The following RFTN1 variants were observed in gnomAD, a reference collection of about 807,000 sequenced individuals.
RFTN1 encodes raftlin.
A neutral mutation model predicts 46.5 loss-of-function variants in RFTN1; 26 were observed. That is an observed-to-expected ratio of 0.56 (90% CI 0.41 to 0.78). RFTN1 has a LOEUF of 0.78. Ranked by LOEUF, RFTN1 falls within the 30% of genes least tolerant of loss-of-function variation. The pLI, the probability that RFTN1 is intolerant of heterozygous loss-of-function variation, is 0.00. For synonymous variants in RFTN1, 261 were observed against 284.2 expected (o/e 0.92, Z 0.82); for missense variants, 693 against 718.7 (o/e 0.96, Z 0.41).
Position 16,418,564 on chromosome 3 carries a change from C to T in RFTN1, c.333-9081G>A, listed in dbSNP as rs888610985. Among the ~76,000 whole-genome samples the T allele has an allele frequency of 6.6e-6, 1 of 152,056 alleles. No individual in the cohort carries two copies. Among genetic ancestry groups the T allele is most frequent in the Non-Finnish European group, 1.5e-5 (1 of 68,010 alleles). On this transcript the variant is annotated intron_variant, in intron 3 of 9. Transcript: ENST00000334133. The surrounding 1 kb of genome is among the most constrained non-coding windows in gnomAD (Gnocchi z 5.0). ...ACTTCTCCAGCCAGGAAAAAAAATA[C>T]TAAACGTCAGTTGACAAAAACAAAT...
chr3:16,379,390 C>A (rs978687424), intron 4 of RFTN1, among the ~76,000 whole-genome samples: 3 of 152,192 alleles, frequency 2.0e-5, no homozygotes, highest in Admixed American at 1.3e-4. Flanking sequence ...TACTGTAGAC[C>A]TACTATGTCT....
At chr3:16,362,361 C>T (rs1329678176) in intron 6 of RFTN1, among the ~76,000 whole-genome samples, 1 of 152,152 alleles carries the variant, frequency 6.6e-6, no homozygotes, top group Non-Finnish European at 1.5e-5. Context: ...CCATGGCCTC[C>T]TAAGAGACAT....
chr3:16,351,713 A>G lies in RFTN1; in HGVS notation c.1146+6219T>C, dbSNP rs779812363. Among the ~76,000 whole-genome samples, 1 of 152,204 alleles carries G rather than the reference A, an allele frequency of 6.6e-6. No homozygotes were observed. The highest frequency in any genetic ancestry group is 1.5e-5 in the Non-Finnish European group (1 of 68,028). On this transcript the variant is annotated intron_variant, in intron 7 of 9. Coordinates refer to ENST00000334133, the MANE Select transcript of RFTN1 (RefSeq NM_015150.2). This position sits in a 1 kb window ranked among gnomAD's most constrained non-coding sequence, Gnocchi z 5.4. ...AAGTTAGACCCATTATCCTAATTACATGTCTTAATTTAAATGATTTAAAAG... is the reference window on the plus strand; with the variant it reads ...AAGTTAGACCCATTATCCTAATTACGTGTCTTAATTTAAATGATTTAAAAG...
Position 16,337,077 on chromosome 3 carries a change from C to T in RFTN1, c.1147-10201G>A, listed in dbSNP as rs1346889939. On this transcript the variant is annotated intron_variant, in intron 7 of 9. Coordinates refer to ENST00000334133, the MANE Select transcript of RFTN1 (RefSeq NM_015150.2). This position sits in a 1 kb window ranked among gnomAD's most constrained non-coding sequence, Gnocchi z 5.0. ...CATTACGGTCATCCTGAACCTAGGC[C>T]TCAAGGAGCCTTGCTGTTTCTGCTC... is the stretch of plus-strand genomic sequence containing the variant. 6.6e-6 allele frequency: 1 copy of T among 152,220 alleles called. No homozygotes were observed. The highest frequency in any genetic ancestry group is 2.4e-5 in the African/African-American group (1 of 41,420). The allele number at this position is 152,220 out of a possible 1,614,324, so 9.4% of individuals were successfully genotyped here.
In RFTN1 at chr3:16,433,883, G is replaced by T. The variant is rs770124165; in HGVS notation, c.300C>A (p.Ile100=). Residue 100 remains isoleucine, a synonymous_variant, in exon 3 of 10, where the codon ATC becomes ATA. Coordinates refer to ENST00000334133, the MANE Select transcript of RFTN1 (RefSeq NM_015150.2). This position sits in a 1 kb window ranked among gnomAD's most constrained non-coding sequence, Gnocchi z 4.4. ...TTTTCTTGATCAGGATGGCTCTAAA[G>T]ATGTGCTCCAGGGGCGTCTTCTCCC... ...HEREKTPLEH[I]FRAILIKKTD... 17 of 1,614,072 alleles carry T rather than the reference G, an allele frequency of 1.1e-5. No homozygotes were observed. The highest frequency in any genetic ancestry group is 1.4e-5 in the Non-Finnish European group (16 of 1,180,032).
rs712877 is a variant in RFTN1 at position 16,387,086 on chromosome 3, G to A, written c.442-8984C>T. 0.11 allele frequency among the ~76,000 whole-genome samples: 16,449 copies of A among 152,248 alleles called. 1,011 individuals carry two copies. The highest frequency in any genetic ancestry group is 0.22 in the South Asian group (1,049 of 4,824). Reference sequence around the variant, plus strand: ...AGAAAGCTGCTTTAAGAGGCACACAGATGAGTGTTCCTTCTCTTCCTTCCC... The same window carrying A: ...AGAAAGCTGCTTTAAGAGGCACACAAATGAGTGTTCCTTCTCTTCCTTCCC... On this transcript the variant is annotated intron_variant, in intron 4 of 9. Transcript: ENST00000334133. The surrounding 1 kb of genome is among the most constrained non-coding windows in gnomAD (Gnocchi z 5.2).
In RFTN1 at chr3:16,483,558, A is replaced by C. The variant is rs1374672090; in HGVS notation, c.145+10167T>G. 6.6e-6 allele frequency among the ~76,000 whole-genome samples: 1 copy of C among 152,178 alleles called. No individual in the cohort carries two copies. Among genetic ancestry groups the C allele is most frequent in the African/African-American group, 2.4e-5 (1 of 41,426 alleles). On this transcript the variant is annotated intron_variant, in intron 2 of 9. Coordinates refer to ENST00000334133, the MANE Select transcript of RFTN1 (RefSeq NM_015150.2). The surrounding 1 kb of genome is among the most constrained non-coding windows in gnomAD (Gnocchi z 4.8). Reference sequence around the variant, plus strand: ...GCTGGGCATGGGAACTTTTTAAACAAACTTTGAGAATCATTGTGTCACCTT... The same window carrying C: ...GCTGGGCATGGGAACTTTTTAAACACACTTTGAGAATCATTGTGTCACCTT...
rs1176236884 is a variant in RFTN1, at chr3:16,506,164, C to CCCAGAAGGT, written c.-9+7269_-9+7277dup. 6.6e-6 allele frequency among the ~76,000 whole-genome samples: 1 copy of CCCAGAAGGT among 152,094 alleles called. No individual in the cohort carries two copies. The highest frequency in any genetic ancestry group is 6.5e-5 in the Admixed American group (1 of 15,278). ...AATACGGGGATTGGGAAAGGCCACACCCAGAAGGTGACGTTTAAGCAAAAT... is the reference window on the plus strand; with the variant it reads ...AATACGGGGATTGGGAAAGGCCACACCCAGAAGGTCCAGAAGGTGACGTTTAAGCAAAAT... On this transcript the variant is annotated intron_variant, in intron 1 of 9. Transcript: ENST00000334133. This position sits in a 1 kb window ranked among gnomAD's most constrained non-coding sequence, Gnocchi z 4.8.
At chr3:16,366,409 T>C (rs796312785) in intron 6 of RFTN1, among the ~76,000 whole-genome samples, 33 of 152,268 alleles carry the variant, frequency 2.2e-4, no homozygotes, top group African/African-American at 7.0e-4. Flanking sequence ...CTGGCCGACA[T>C]GTTCCTGAGT....
Position 16,443,445 on chromosome 3 carries a change from G to C in RFTN1, c.146-9408C>G, listed in dbSNP as rs1351491160. Among the ~76,000 whole-genome samples, 1 of 152,078 alleles carries C rather than the reference G, an allele frequency of 6.6e-6. No individual in the cohort carries two copies. The highest frequency in any genetic ancestry group is 2.4e-5 in the African/African-American group (1 of 41,406). On this transcript the variant is annotated intron_variant, in intron 2 of 9. Coordinates refer to ENST00000334133, the MANE Select transcript of RFTN1 (RefSeq NM_015150.2). The surrounding 1 kb of genome is among the most constrained non-coding windows in gnomAD (Gnocchi z 5.5). ...GGGTTATTTGTATTTTTGCTATTGAGCTGAATGAGTTCTGAAATACTATTC... is the reference window on the plus strand; with the variant it reads ...GGGTTATTTGTATTTTTGCTATTGACCTGAATGAGTTCTGAAATACTATTC...
rs2070048086 is a variant in RFTN1 at position 16,329,235 on chromosome 3, C to T, written c.1147-2359G>A. Among the ~76,000 whole-genome samples the T allele has an allele frequency of 6.6e-6, 1 of 152,198 alleles. No individual in the cohort carries two copies. Among genetic ancestry groups the T allele is most frequent in the Non-Finnish European group, 1.5e-5 (1 of 68,036 alleles). ...ATGCCAGGCCCTCGACCTTGGACTTCCCAGCCTCCAGGACCAGGAGCCAAG... is the reference window on the plus strand; with the variant it reads ...ATGCCAGGCCCTCGACCTTGGACTTTCCAGCCTCCAGGACCAGGAGCCAAG... On this transcript the variant is annotated intron_variant, in intron 7 of 9. Transcript: ENST00000334133. The surrounding 1 kb of genome is among the most constrained non-coding windows in gnomAD (Gnocchi z 4.5).
intron 6 of RFTN1, among the ~76,000 whole-genome samples, chr3:16,365,482 T>C (rs1268079961): frequency 6.6e-6 from 1 of 152,220 alleles, no homozygotes; most frequent in Non-Finnish European, 1.5e-5. Flanking sequence ...ACATGTGTTT[T>C]ACTTATGTAT....
At position 16,425,456 on chromosome 3, in the gene RFTN1, C is replaced by T. The variant is rs905288187; in HGVS notation, c.332+8395G>A. 4.0e-5 allele frequency among the ~76,000 whole-genome samples: 6 copies of T among 151,792 alleles called. No homozygotes were observed. Among genetic ancestry groups the T allele is most frequent in the Non-Finnish European group, 7.4e-5 (5 of 68,022 alleles). ...TGGAAATCACTAGTGTGCTAATTCTCTCTCTCAGAAGAAACAAACAAACAA... is the reference window on the plus strand; with the variant it reads ...TGGAAATCACTAGTGTGCTAATTCTTTCTCTCAGAAGAAACAAACAAACAA... On this transcript the variant is annotated intron_variant, in intron 3 of 9. Coordinates refer to ENST00000334133, the MANE Select transcript of RFTN1 (RefSeq NM_015150.2). The surrounding 1 kb of genome is among the most constrained non-coding windows in gnomAD (Gnocchi z 4.3).
rs547090552 is a variant in RFTN1 at position 16,428,718 on chromosome 3, C to T, written c.332+5133G>A. 1.3e-5 allele frequency among the ~76,000 whole-genome samples: 2 copies of T among 152,300 alleles called. No individual in the cohort carries two copies. Among genetic ancestry groups the T allele is most frequent in the South Asian group, 4.1e-4 (2 of 4,830 alleles). ...CCCTAGCTCCATGTGTGTACAACGA[C>T]AATTCAACAGCTGAAAAATGGCCAG... On this transcript the variant is annotated intron_variant, in intron 3 of 9. Coordinates refer to ENST00000334133, the MANE Select transcript of RFTN1 (RefSeq NM_015150.2). The surrounding 1 kb of genome is among the most constrained non-coding windows in gnomAD (Gnocchi z 4.7).
At position 16,320,086 on chromosome 3, in the gene RFTN1, AGT is replaced by A. The variant is rs1413870627; in HGVS notation, c.1333-2856_1333-2855del. Among the ~76,000 whole-genome samples, 1 of 152,234 alleles carries A rather than the reference AGT, an allele frequency of 6.6e-6. No homozygotes were observed. Among genetic ancestry groups the A allele is most frequent in the African/African-American group, 2.4e-5 (1 of 41,462 alleles). ...AAAAAGAAATCCTTCACTTTACAGC[AGT>A]GTGTGTCCAGAGTTCCATGTCAGCA... On this transcript the variant is annotated intron_variant, in intron 9 of 9. Coordinates refer to ENST00000334133, the MANE Select transcript of RFTN1 (RefSeq NM_015150.2). The surrounding 1 kb of genome is among the most constrained non-coding windows in gnomAD (Gnocchi z 4.5).
chr3:16,467,612 G>A (rs2076121295), intron 2 of RFTN1, among the ~76,000 whole-genome samples: 1 of 152,258 alleles, frequency 6.6e-6, no homozygotes, highest in African/African-American at 2.4e-5. Flanking sequence ...TTAAGGGGAA[G>A]CAGAGAAAAG....
At chr3:16,464,831 A>G (rs1003651096) in intron 2 of RFTN1, among the ~76,000 whole-genome samples, 2 of 152,390 alleles carry the variant, frequency 1.3e-5, no homozygotes, top group South Asian at 2.1e-4. Flanking sequence ...AATATTTACC[A>G]TCTTTCCCTT....
At chr3:16,490,044 G>A (rs1299674239) in intron 2 of RFTN1, among the ~76,000 whole-genome samples, 1 of 152,218 alleles carries the variant, frequency 6.6e-6, no homozygotes, top group Non-Finnish European at 1.5e-5. Flanking sequence ...ACTCCTGGGA[G>A]AAAAACATGA....
intron 2 of RFTN1, among the ~76,000 whole-genome samples, chr3:16,444,153 G>A (rs2124886470): frequency 6.6e-6 from 1 of 152,334 alleles, no homozygotes; most frequent in African/African-American, 2.4e-5. Context: ...AGAGCTTTTT[G>A]TGAGTCAGAA....
Sources: gnomAD v4.1 joint callset for allele counts (sites outside exome capture counted in the v4.1 genomes callset) on GRCh38, gnomAD v4.1.1 for gene constraint, Gnocchi (gnomAD v3.1) non-coding constraint, MANE v1.5 for transcripts, NCBI Gene and HGNC (gene_info 2026-07-23, HGNC 2026-07-21) for gene names.